Variants in GRIN3A observed in about 807,000 individuals in gnomAD.
The protein encoded by GRIN3A is glutamate ionotropic receptor NMDA type subunit 3A.
GRIN3A carries 47 observed loss-of-function variants against 92.4 expected under a neutral mutation model. The ratio of observed to expected loss-of-function variants is 0.51; its 90% confidence interval spans 0.40 to 0.65. The LOEUF (loss-of-function observed/expected upper bound fraction) is 0.65, where lower values mean the gene tolerates loss of function less well. Ranked by LOEUF, GRIN3A falls within the 30% of genes least tolerant of loss-of-function variation. The probability of loss-of-function intolerance (pLI) is 0.00; values close to 1 mark genes in which losing one functional copy is unlikely to be tolerated. For missense variants in GRIN3A, 1,324 were observed against 1,393.1 expected (o/e 0.95, Z 0.79); for synonymous variants, 527 against 540.6 (o/e 0.97, Z 0.35).
At chr9:101,724,185 C>T (rs1416305848) in intron 1 of GRIN3A, among the ~76,000 whole-genome samples, 1 of 122,454 alleles carries the variant, frequency 8.2e-6, no homozygotes, top group Non-Finnish European at 1.9e-5. Flanking sequence ...GTCGAGGAGG[C>T]TCGGGCCGCA....
chr9:101,737,147 A>G (rs1830218153), intron 1 of GRIN3A, 134 bp downstream of exon 1: 1 of 738,672 alleles, frequency 1.4e-6, no homozygotes, highest in African/African-American at 1.7e-5. Flanking sequence ...AACATGGCCC[A>G]ATCGTTAAGC....
At position 101,628,404 on chromosome 9, in the gene GRIN3A, A is replaced by G; in HGVS notation, c.2353-3T>C. 2 of 1,613,194 alleles carry G rather than the reference A, an allele frequency of 1.2e-6. No homozygotes were observed. Among genetic ancestry groups the G allele is most frequent in the Non-Finnish European group, 1.7e-6 (2 of 1,179,324 alleles). ...AATCCTTGGGAAGGATGATGTAACT[A>G]TGAGGGAGAAAAAGAAATGGCTTAA... On this transcript the variant is annotated splice_polypyrimidine_tract_variant and splice_region_variant and intron_variant, in intron 3 of 8. Transcript: ENST00000361820.
chr9:101,683,016 T>C (rs1829482616), intron 2 of GRIN3A, among the ~76,000 whole-genome samples: 1 of 152,114 alleles, frequency 6.6e-6, no homozygotes, highest in African/African-American at 2.4e-5. Context: ...AACTTGTAAA[T>C]ATATTGTTGA....
chr9:101,666,887 A>C lies in GRIN3A; in HGVS notation c.2352+3173T>G, dbSNP rs564016068. ...AATCTATATCAGTGACCAAAGCTATAATTTCAGCTCTATTCATTTTCTTTC... is the reference window on the plus strand; with the variant it reads ...AATCTATATCAGTGACCAAAGCTATCATTTCAGCTCTATTCATTTTCTTTC... On this transcript the variant is annotated intron_variant, in intron 3 of 8. Coordinates refer to ENST00000361820, the MANE Select transcript of GRIN3A (RefSeq NM_133445.3). Among the ~76,000 whole-genome samples the C allele has an allele frequency of 6.6e-5, 10 of 152,132 alleles. No homozygotes were observed. In the South Asian group the frequency reaches 2.1e-3, roughly 32 times the overall value.
chr9:101,627,913 A>G (rs2417290), intron 4 of GRIN3A, among the ~76,000 whole-genome samples: 1 of 152,088 alleles, frequency 6.6e-6, no homozygotes, highest in South Asian at 2.1e-4. Context: ...TCCTCTGGCC[A>G]TATTCCCTGT....
At chr9:101,589,465 T>C (rs1827995518) in intron 6 of GRIN3A, among the ~76,000 whole-genome samples, 1 of 152,234 alleles carries the variant, frequency 6.6e-6, no homozygotes. Flanking sequence ...CCAACTGTTT[T>C]ATAATTATTC....
intron 1 of GRIN3A, among the ~76,000 whole-genome samples, chr9:101,692,819 G>GA (rs1829637248): frequency 6.6e-6 from 1 of 152,098 alleles, no homozygotes. Flanking sequence ...GAAAATTAAA[G>GA]ATTGTTCCTT....
chr9:101,658,744 A>ATCTATCTG (rs544438081), intron 3 of GRIN3A, among the ~76,000 whole-genome samples: 1,943 of 148,202 alleles, frequency 0.013, 42 homozygotes, highest in African/African-American at 0.047. Context: ...TTATTTGTCT[A>ATCTATCTG]TCTATCTGTC....
chr9:101,631,630 G>A (rs965188278), intron 3 of GRIN3A, among the ~76,000 whole-genome samples: 5 of 152,110 alleles, frequency 3.3e-5, no homozygotes, highest in Non-Finnish European at 7.3e-5. Flanking sequence ...CTGTCTCTTT[G>A]TGTTTTTCCT....
chr9:101,686,601 T>C lies in GRIN3A; in HGVS notation c.1299A>G (p.Leu433=), dbSNP rs1829537610. Residue 433 remains leucine (L), a synonymous_variant, in exon 2 of 9, where the codon TTA becomes TTG. Coordinates refer to ENST00000361820, the MANE Select transcript of GRIN3A (RefSeq NM_133445.3). ...ACCGAGACCTTGCATCCTACCTTGA[T>C]AAATATTGTCCTGAAGTGAGATTTG... ...ETTNLTSGQY[L]SRFLANTTFR... is the part of the protein sequence containing the mutation. The C allele has an allele frequency of 2.5e-6, 4 of 1,614,192 alleles. No homozygotes were observed. The highest frequency in any genetic ancestry group is 2.5e-6 in the Non-Finnish European group (3 of 1,180,020).
intron 3 of GRIN3A, among the ~76,000 whole-genome samples, chr9:101,644,757 C>G (rs1828914151): frequency 6.6e-6 from 1 of 151,796 alleles, no homozygotes. Context: ...TCAGAAGTAG[C>G]CATTGTTGAT....
intron 6 of GRIN3A, among the ~76,000 whole-genome samples, chr9:101,583,983 A>C (rs1827920950): frequency 6.6e-6 from 1 of 152,174 alleles, no homozygotes; most frequent in South Asian, 2.1e-4. Context: ...CAGCCTCCCA[A>C]GTAGCTGGGA....
chr9:101,618,263 T>C (rs914101366), intron 5 of GRIN3A, among the ~76,000 whole-genome samples: 21 of 150,166 alleles, frequency 1.4e-4, no homozygotes, highest in African/African-American at 4.8e-4. Context: ...ACAGGCAACC[T>C]ACAAAATGGG....
intron 1 of GRIN3A, among the ~76,000 whole-genome samples, chr9:101,698,423 C>T (rs10123334): frequency 2.0e-5 from 3 of 152,150 alleles, no homozygotes; most frequent in Non-Finnish European, 2.9e-5. Flanking sequence ...ATCCTTATTA[C>T]AGTCGTGCGT....
intron 5 of GRIN3A, among the ~76,000 whole-genome samples, chr9:101,620,035 T>C (rs930088227): frequency 2.0e-5 from 3 of 152,252 alleles, no homozygotes; most frequent in Admixed American, 6.5e-5. Flanking sequence ...CTGTCCCTTA[T>C]TTGCCTTATT....
chr9:101,655,390 A>C (rs1180812860), intron 3 of GRIN3A, among the ~76,000 whole-genome samples: 1 of 151,942 alleles, frequency 6.6e-6, no homozygotes, highest in Admixed American at 6.6e-5. Flanking sequence ...CCATCTAAAA[A>C]CTTATGGTAA....
At chr9:101,729,862 G>A (rs571110771) in intron 1 of GRIN3A, among the ~76,000 whole-genome samples, 82 of 152,208 alleles carry the variant, frequency 5.4e-4, no homozygotes, top group Non-Finnish European at 9.9e-4. Flanking sequence ...AGCCCAAGTC[G>A]TATGTCCCAA....
chr9:101,732,940 G>T (rs1352346658), intron 1 of GRIN3A, among the ~76,000 whole-genome samples: 1 of 152,154 alleles, frequency 6.6e-6, no homozygotes, highest in Non-Finnish European at 1.5e-5. Context: ...CATCTGCAAC[G>T]AAAGAGGCAG....
At chr9:101,650,824 C>T (rs1052584194) in intron 3 of GRIN3A, among the ~76,000 whole-genome samples, 2 of 151,904 alleles carry the variant, frequency 1.3e-5, no homozygotes, top group African/African-American at 4.8e-5. Context: ...CACCCCCCCA[C>T]ACACATTTTG....
Sources: allele counts gnomAD v4.1 joint callset (sites outside exome capture counted in the v4.1 genomes callset), GRCh38; gene constraint gnomAD v4.1.1; transcripts MANE v1.5; gene names NCBI Gene and HGNC (gene_info 2026-07-23, HGNC 2026-07-21).